Variants in CCSER1 observed in about 807,000 individuals in gnomAD.
The protein encoded by CCSER1 is coiled-coil serine rich protein 1.
CCSER1 carries 41 observed loss-of-function variants against 82.0 expected under a neutral mutation model. That is an observed-to-expected ratio of 0.50 (90% CI 0.39 to 0.65). CCSER1 has a LOEUF of 0.65. Among genes scored for constraint, CCSER1 ranks in the 30% least tolerant of loss-of-function variants. CCSER1 has a pLI of 0.00. For missense variants in CCSER1, 1,119 were observed against 1,064.2 expected (o/e 1.05, Z -0.72); for synonymous variants, 414 against 383.9 (o/e 1.08, Z -0.92).
chr4:91,599,096 T>A lies in CCSER1; in HGVS notation c.*39T>A. 6.8e-7 allele frequency: 1 copy of A among 1,480,294 alleles called. No homozygotes were observed. Among genetic ancestry groups the A allele is most frequent in the Non-Finnish European group, 9.0e-7 (1 of 1,110,430 alleles). 91.7% of individuals were successfully genotyped at this position (1,480,294 alleles called of 1,614,324 possible). ...TTCCTGTCTTTGGGTAGGATAAAGA[T>A]GGTTAGTGTTTCTCGTGCATAGTTC... On this transcript the variant is annotated 3_prime_UTR_variant, in exon 11 of 11. Coordinates refer to ENST00000509176, the MANE Select transcript of CCSER1 (RefSeq NM_001145065.2).
intron 10 of CCSER1, among the ~76,000 whole-genome samples, chr4:91,345,380 C>T (rs1747986891): frequency 6.6e-6 from 1 of 151,722 alleles, no homozygotes; most frequent in South Asian, 2.1e-4. Flanking sequence ...GAGTGAAACT[C>T]CATCTCAAAA....
intron 1 of CCSER1, among the ~76,000 whole-genome samples, chr4:90,300,961 G>A (rs1357712589): frequency 6.6e-6 from 1 of 152,104 alleles, no homozygotes; most frequent in Non-Finnish European, 1.5e-5. Flanking sequence ...AGGTAGCTGG[G>A]ACAACAGGTG....
At chr4:90,284,421 GT>G (rs1211789354) in intron 1 of CCSER1, among the ~76,000 whole-genome samples, 1 of 150,920 alleles carries the variant, frequency 6.6e-6, no homozygotes, top group Admixed American at 6.6e-5. Flanking sequence ...GTCCTGGATT[GT>G]TTCCCCAATG....
chr4:90,969,495 A>G, intron 9 of CCSER1, among the ~76,000 whole-genome samples: 1 of 151,986 alleles, frequency 6.6e-6, no homozygotes, highest in East Asian at 1.9e-4. Flanking sequence ...GAGTGAGATA[A>G]TATATTCAAA....
At chr4:90,159,872 C>T (rs992545265) in intron 1 of CCSER1, among the ~76,000 whole-genome samples, 5 of 152,102 alleles carry the variant, frequency 3.3e-5, no homozygotes, top group African/African-American at 9.7e-5. Flanking sequence ...TATGCCAAGC[C>T]ATTTTTACTC....
At chr4:91,181,699 A>G (rs1009612569) in intron 10 of CCSER1, among the ~76,000 whole-genome samples, 1 of 152,224 alleles carries the variant, frequency 6.6e-6, no homozygotes, top group African/African-American at 2.4e-5. Context: ...ATGATTCCAT[A>G]GGAATTGTTG....
intron 1 of CCSER1, among the ~76,000 whole-genome samples, chr4:90,204,920 G>A (rs925170188): frequency 2.0e-5 from 3 of 152,154 alleles, no homozygotes; most frequent in African/African-American, 7.2e-5. Context: ...TCCCTTGTAA[G>A]TTGTATTCCT....
intron 5 of CCSER1, among the ~76,000 whole-genome samples, chr4:90,602,325 C>T (rs1026678076): frequency 2.6e-5 from 4 of 151,836 alleles, no homozygotes; most frequent in Non-Finnish European, 5.9e-5. Flanking sequence ...TTAATATAAC[C>T]TCCTCTTTTT....
At chr4:90,656,708 C>A (rs1729764943) in intron 6 of CCSER1, among the ~76,000 whole-genome samples, 1 of 151,570 alleles carries the variant, frequency 6.6e-6, no homozygotes, top group Admixed American at 6.6e-5. Flanking sequence ...TTCTATTTGT[C>A]CCTCTTGTTC....
chr4:91,520,931 C>T (rs1760428206), intron 10 of CCSER1, among the ~76,000 whole-genome samples: 1 of 151,994 alleles, frequency 6.6e-6, no homozygotes, highest in South Asian at 2.1e-4. Flanking sequence ...TACATGTGCA[C>T]AATGTGCAGG....
At chr4:90,832,859 T>C (rs1761308155) in intron 8 of CCSER1, among the ~76,000 whole-genome samples, 1 of 152,202 alleles carries the variant, frequency 6.6e-6, no homozygotes, top group African/African-American at 2.4e-5. Flanking sequence ...CTAAGCTTAC[T>C]TTTGTAAAGA....
intron 6 of CCSER1, among the ~76,000 whole-genome samples, chr4:90,695,285 G>T (rs955756837): frequency 6.6e-6 from 1 of 151,698 alleles, no homozygotes; most frequent in African/African-American, 2.4e-5. Flanking sequence ...TGACTTGGGG[G>T]ACTAAAGAAG....
intron 6 of CCSER1, 94 bp downstream of exon 6, chr4:90,628,326 C>T (rs1307471631): frequency 2.4e-5 from 22 of 930,850 alleles, no homozygotes; most frequent in Middle Eastern, 3.3e-4. Context: ...TAATTAACTA[C>T]ATGACATTGG....
intron 4 of CCSER1, among the ~76,000 whole-genome samples, chr4:90,452,583 C>T (rs1010972221): frequency 2.6e-5 from 4 of 152,126 alleles, no homozygotes; most frequent in Admixed American, 6.5e-5. Context: ...GGCTGGACCT[C>T]GGGCCTGGGT....
At chr4:91,069,759 G>C (rs557684271) in intron 9 of CCSER1, among the ~76,000 whole-genome samples, 7 of 152,140 alleles carry the variant, frequency 4.6e-5, no homozygotes, top group African/African-American at 7.2e-5. Context: ...TTTAAACTGA[G>C]ATTTGAAGGG....
At chr4:91,528,183 A>G (rs1760858667) in intron 10 of CCSER1, among the ~76,000 whole-genome samples, 1 of 152,126 alleles carries the variant, frequency 6.6e-6, no homozygotes. Context: ...GGCCTCTCAA[A>G]GTGCTGGGAT....
intron 10 of CCSER1, chr4:91,108,126 A>G (rs1725803964): frequency 6.6e-6 from 1 of 152,236 alleles, no homozygotes; most frequent in Non-Finnish European, 1.5e-5. Context: ...AATGTTAACA[A>G]TATAGTAAAT....
rs144220768 is a variant in CCSER1, at chr4:90,740,985, G to A, written c.2010+16994G>A. On this transcript the variant is annotated intron_variant, in intron 7 of 10. Transcript: ENST00000509176. ...TTTGTGTATCACTGAGTTAAACAGG[G>A]CCCTGGAAATCTGAAGGATATATAC... Among the ~76,000 whole-genome samples, 1,263 of 152,168 alleles carry A rather than the reference G, an allele frequency of 8.3e-3. 16 individuals carry two copies. Among genetic ancestry groups the A allele is most frequent in the African/African-American group, 0.028 (1,179 of 41,538 alleles).
At chr4:91,406,360 G>A (rs1320384456) in intron 10 of CCSER1, among the ~76,000 whole-genome samples, 1 of 152,116 alleles carries the variant, frequency 6.6e-6, no homozygotes, top group Non-Finnish European at 1.5e-5. Flanking sequence ...ACTGTTTCCA[G>A]TATACTATAT....
Sources: allele counts gnomAD v4.1 joint callset (sites outside exome capture counted in the v4.1 genomes callset), GRCh38; gene constraint gnomAD v4.1.1; transcripts MANE v1.5; gene names NCBI Gene and HGNC (gene_info 2026-07-23, HGNC 2026-07-21).